PCDHGB6: variants seen among roughly 807,000 people sequenced by gnomAD.
PCDHGB6 encodes protocadherin gamma subfamily B, 6.
Under a neutral mutation model 59.1 loss-of-function variants are expected in PCDHGB6, and 51 were observed. The ratio of observed to expected loss-of-function variants is 0.86; its 90% CI spans 0.69 to 1.09. PCDHGB6 has a LOEUF of 1.09. Among genes scored for constraint, PCDHGB6 ranks in the 50% least tolerant of loss-of-function variants. The probability of loss-of-function intolerance (pLI) is 0.00; values close to 1 mark genes in which losing one functional copy is unlikely to be tolerated. For synonymous variants in PCDHGB6, 466 were observed against 495.1 expected, an observed-to-expected ratio of 0.94 and a Z score of 0.78; for missense variants, 1,148 against 1,205.1, an observed-to-expected ratio of 0.95 and a Z score of 0.70.
At chr5:141,412,198 G>T (rs1248911071) in intron 1 of PCDHGB6, 1 of 152,180 alleles carries the variant, frequency 6.6e-6, no homozygotes, top group African/African-American at 2.4e-5. Flanking sequence ...ATGAAAACAG[G>T]TCATTTGACA....
intron 1 of PCDHGB6, among the ~76,000 whole-genome samples, chr5:141,484,685 T>G (rs2099599013): frequency 6.6e-6 from 1 of 151,934 alleles, no homozygotes; most frequent in Non-Finnish European, 1.5e-5. Flanking sequence ...TTGCTAGGGC[T>G]CAGGCTGTGG....
At position 141,487,447 on chromosome 5, in the gene PCDHGB6, C is replaced by A. The variant is rs758411138; in HGVS notation, c.2419-7360C>A. 4.3e-6 allele frequency: 7 copies of A among 1,614,182 alleles called. No homozygotes were observed. The highest frequency in any genetic ancestry group is 5.9e-6 in the Non-Finnish European group (7 of 1,180,028). Reference sequence around the variant, plus strand: ...TCCGAATCCAGCTAGGGTCAGATGACCCTATCAAGTTTGTTGATGTGGGAG... The same window carrying A: ...TCCGAATCCAGCTAGGGTCAGATGAACCTATCAAGTTTGTTGATGTGGGAG... On this transcript the variant is annotated intron_variant, in intron 1 of 3. Coordinates refer to ENST00000520790, the MANE Select transcript of PCDHGB6 (RefSeq NM_018926.3). The surrounding 1 kb of genome is among the most constrained non-coding windows in gnomAD (Gnocchi z 5.0).
Position 141,491,401 on chromosome 5 carries a change from G to T in PCDHGB6, c.2419-3406G>T, listed in dbSNP as rs1442005704. ...GTCAGCGAAGTGCCTTCAGGGAAAC[G>T]CAGACGGGGACGGGGGTGGAGGGCA... On this transcript the variant is annotated intron_variant, in intron 1 of 3. Coordinates refer to ENST00000520790, the MANE Select transcript of PCDHGB6 (RefSeq NM_018926.3). The surrounding 1 kb of genome is among the most constrained non-coding windows in gnomAD (Gnocchi z 6.9). 1.2e-6 allele frequency: 2 copies of T among 1,614,102 alleles called. No homozygotes were observed. Among genetic ancestry groups the T allele is most frequent in the Non-Finnish European group, 1.7e-6 (2 of 1,179,990 alleles).
chr5:141,447,427 C>T (rs752438597), intron 1 of PCDHGB6, among the ~76,000 whole-genome samples: 2 of 152,174 alleles, frequency 1.3e-5, no homozygotes, highest in Non-Finnish European at 2.9e-5. Context: ...CGTGAGCCAC[C>T]GCACCCGGAG....
chr5:141,491,800 C>T lies in PCDHGB6; in HGVS notation c.2419-3007C>T. The T allele has an allele frequency of 6.7e-7, 1 of 1,500,854 alleles. No individual in the cohort carries two copies. Among genetic ancestry groups the T allele is most frequent in the Non-Finnish European group, 8.9e-7 (1 of 1,125,316 alleles). 93.0% of individuals were successfully genotyped at this position (1,500,854 alleles called of 1,614,324 possible). A position where few individuals can be genotyped will look rare whatever the true frequency, so the allele number is the denominator to read the frequency against. Reference sequence around the variant, plus strand: ...GAACTTGCATCCACTCCTCTCCGGCCGGCTTGGTCGCTGGCTGCGCTCCAC... The same window carrying T: ...GAACTTGCATCCACTCCTCTCCGGCTGGCTTGGTCGCTGGCTGCGCTCCAC... On this transcript the variant is annotated intron_variant, in intron 1 of 3. Transcript: ENST00000520790. The surrounding 1 kb of genome is among the most constrained non-coding windows in gnomAD (Gnocchi z 6.9).
At chr5:141,418,851 G>A (rs778281594) in intron 1 of PCDHGB6, 9 of 1,613,906 alleles carry the variant, frequency 5.6e-6, no homozygotes, top group South Asian at 2.2e-5. Context: ...TCAACACGGT[G>A]TAAAGTAATT....
chr5:141,484,004 G>C (rs1042457090), intron 1 of PCDHGB6, among the ~76,000 whole-genome samples: 5 of 146,164 alleles, frequency 3.4e-5, no homozygotes, highest in Non-Finnish European at 4.5e-5. Flanking sequence ...AGGTCTGGAT[G>C]AGGGTGGGGG....
intron 1 of PCDHGB6, among the ~76,000 whole-genome samples, chr5:141,460,888 C>T (rs530320189): frequency 1.3e-5 from 2 of 149,792 alleles, no homozygotes; most frequent in East Asian, 2.0e-4. Context: ...CATGCCTTTT[C>T]GTGGCTGAGT....
At chr5:141,488,159 C>T (rs888153570) in intron 1 of PCDHGB6, among the ~76,000 whole-genome samples, 1 of 152,126 alleles carries the variant, frequency 6.6e-6, no homozygotes, top group Non-Finnish European at 1.5e-5. Flanking sequence ...GAGAGGCACG[C>T]ATCAGAGTGG....
rs1561728654 is a variant in PCDHGB6, at chr5:141,410,479, G to C, written c.2277G>C (p.Thr759=). 3.7e-6 allele frequency: 6 copies of C among 1,613,838 alleles called. No homozygotes were observed. In the African/African-American group the frequency reaches 8.0e-5, roughly 22 times the overall value. ...PYSYNLCIAH[T]GTKEFNFLKC... ...CTTATAATCTGTGCATTGCACATAC[G>C]GGTACAAAAGAGTTTAATTTCCTAA... The change falls in exon 1 of 4, where the codon ACG becomes ACC. Residue 759 remains threonine (T), a synonymous_variant. Coordinates refer to ENST00000520790, the MANE Select transcript of PCDHGB6 (RefSeq NM_018926.3).
Position 141,486,572 on chromosome 5 carries a change from A to G in PCDHGB6, c.2419-8235A>G. 1 of 1,613,876 alleles carries G rather than the reference A, an allele frequency of 6.2e-7. No individual in the cohort carries two copies. Among genetic ancestry groups the G allele is most frequent in the Non-Finnish European group, 8.5e-7 (1 of 1,180,002 alleles). ...GTCACATGAGGTGTTTGTTCCTGAG[A>G]ACAATCGCCCAGGGGACCTGCTTTG... is the stretch of plus-strand genomic sequence containing the variant. On this transcript the variant is annotated intron_variant, in intron 1 of 3. Coordinates refer to ENST00000520790, the MANE Select transcript of PCDHGB6 (RefSeq NM_018926.3). This position sits in a 1 kb window ranked among gnomAD's most constrained non-coding sequence, Gnocchi z 5.0.
chr5:141,428,223 A>C (rs539110667), intron 1 of PCDHGB6: 30 of 1,169,680 alleles, frequency 2.6e-5, no homozygotes, highest in Admixed American at 2.5e-4. Flanking sequence ...TAGTCTTCGC[A>C]GACAGCCTGC....
chr5:141,497,804 T>G (rs1196976996), intron 2 of PCDHGB6, among the ~76,000 whole-genome samples: 1 of 152,186 alleles, frequency 6.6e-6, no homozygotes, highest in Non-Finnish European at 1.5e-5. Context: ...CTTCCCAAAG[T>G]GCTAGAATTA....
rs745989563 is a variant in PCDHGB6, at chr5:141,490,728, T to G, written c.2419-4079T>G. The G allele has an allele frequency of 6.2e-7, 1 of 1,614,148 alleles. No individual in the cohort carries two copies. Among genetic ancestry groups the G allele is most frequent in the East Asian group, 2.2e-5 (1 of 44,882 alleles). ...GCCTCACCTACTCCATTGTAGGAAA[T>G]CAGGTTCAGGGAGCCCCAGCCTCCT... On this transcript the variant is annotated intron_variant, in intron 1 of 3. Transcript: ENST00000520790. The surrounding 1 kb of genome is among the most constrained non-coding windows in gnomAD (Gnocchi z 5.4).
chr5:141,467,672 AT>A (rs1199631144), intron 1 of PCDHGB6, among the ~76,000 whole-genome samples: 1 of 151,634 alleles, frequency 6.6e-6, no homozygotes, highest in Non-Finnish European at 1.5e-5. Context: ...GAAGATTTTT[AT>A]TTTTTTTAGA....
rs368564960 is a variant in PCDHGB6 at position 141,408,437 on chromosome 5, G to T, written c.235G>T (p.Ala79Ser). ...SAEKLHFSVDAESGDLLVKNR... is the reference protein window; with the variant it reads ...SAEKLHFSVDSESGDLLVKNR... Reference sequence around the variant, plus strand: ...GGAGAAGCTGCACTTCAGCGTAGACGCGGAGAGCGGGGACTTACTTGTGAA... The same window carrying T: ...GGAGAAGCTGCACTTCAGCGTAGACTCGGAGAGCGGGGACTTACTTGTGAA... The change falls in exon 1 of 4, where the codon GCG becomes TCG. Residue 79 changes from alanine (A) to serine (S), a missense_variant. Physicochemically the swap from Ala to Ser is moderately conservative, Grantham distance 99 (BLOSUM62 1). Around this residue, in one of 5 missense-constraint regions of PCDHGB6, gnomAD observed 307 missense variants for 323.8 expected, o/e 0.95. Transcript: ENST00000520790. The T allele has an allele frequency of 1.3e-5, 21 of 1,613,950 alleles. No homozygotes were observed. Among genetic ancestry groups the T allele is most frequent in the Non-Finnish European group, 1.6e-5 (19 of 1,179,918 alleles).
At chr5:141,449,148 T>C (rs570694341) in intron 1 of PCDHGB6, among the ~76,000 whole-genome samples, 20 of 152,268 alleles carry the variant, frequency 1.3e-4, no homozygotes, top group African/African-American at 4.8e-4. Flanking sequence ...AATTGCTGGG[T>C]CAAAGAGGAA....
chr5:141,505,246 G>GAAGT, intron 2 of PCDHGB6, 147 bp from the exon 3 acceptor site: 3 of 1,436,674 alleles, frequency 2.1e-6, no homozygotes, highest in Non-Finnish European at 2.8e-6. Context: ...AAGGATTGTA[G>GAAGT]AAGTGCCTCC....
At position 141,493,356 on chromosome 5, in the gene PCDHGB6, C is replaced by A. The variant is rs1303319550; in HGVS notation, c.2419-1451C>A. Among the ~76,000 whole-genome samples, 1 of 152,182 alleles carries A rather than the reference C, an allele frequency of 6.6e-6. No individual in the cohort carries two copies. The highest frequency in any genetic ancestry group is 2.4e-5 in the African/African-American group (1 of 41,438). On this transcript the variant is annotated intron_variant, in intron 1 of 3. Transcript: ENST00000520790. This position sits in a 1 kb window ranked among gnomAD's most constrained non-coding sequence, Gnocchi z 4.3. ...ACTCCAGAATGTGTGCTTTTAATTT[C>A]TTGGCACTTGGAACTTTAAAAGCTT...
Sources: gnomAD v4.1 joint callset for allele counts (sites outside exome capture counted in the v4.1 genomes callset) on GRCh38, gnomAD v4.1.1 for gene constraint, gnomAD v4.1.1 regional missense constraint, Gnocchi (gnomAD v3.1) non-coding constraint, MANE v1.5 for transcripts, NCBI Gene and HGNC (gene_info 2026-07-23, HGNC 2026-07-21) for gene names.